The following PINX1 variants were observed in gnomAD, a reference collection of about 807,000 sequenced individuals.
PINX1 encodes the protein PIN2 (TERF1) interacting telomerase inhibitor 1.
Under a neutral mutation model 25.4 loss-of-function variants are expected in PINX1, and 34 were observed. The ratio of observed to expected loss-of-function variants is 1.34; its 90% CI spans 1.02 to 1.78. The LOEUF (loss-of-function observed/expected upper bound fraction) is 1.78. Among genes scored for constraint, PINX1 ranks in the 40% most tolerant of loss-of-function variants. The probability of loss-of-function intolerance (pLI) is 0.00; values close to 1 mark genes in which losing one functional copy is unlikely to be tolerated. For missense variants in PINX1, 592 were observed against 404.9 expected, an observed-to-expected ratio of 1.46 and a Z score of -3.97; for synonymous variants, 197 against 147.7, an observed-to-expected ratio of 1.33 and a Z score of -2.42.
rs1801017531 is a variant in PINX1 at position 10,765,760 on chromosome 8, T to G, written c.628A>C (p.Lys210Gln). The stretch of plus-strand genomic sequence containing the variant: ...TCTTTATTTCTTTTCTTCCCCCTTT[T>G]ACGTTCCACCTGCGTCTCAGAAATG... ...SDISETQVER[K>Q]RGKKRNKEAT... The change falls in exon 7 of 7, where the codon AAA becomes CAA. Residue 210 changes from lysine to glutamine, a missense_variant. By Grantham distance (53) the Lys-to-Gln change is moderately conservative. Transcript: ENST00000314787. 1 of 1,613,896 alleles carries G rather than the reference T, an allele frequency of 6.2e-7. No homozygotes were observed. The highest frequency in any genetic ancestry group is 1.7e-5 in the Admixed American group (1 of 60,014).
At chr8:10,794,857 G>A (rs1802038508) in intron 6 of PINX1, among the ~76,000 whole-genome samples, 1 of 152,138 alleles carries the variant, frequency 6.6e-6, no homozygotes, top group Admixed American at 6.5e-5. Context: ...TATAACAAGT[G>A]CTCTGAATTC....
chr8:10,795,831 T>C (rs557804495), intron 6 of PINX1, among the ~76,000 whole-genome samples: 71 of 151,882 alleles, frequency 4.7e-4, no homozygotes, highest in African/African-American at 1.7e-3. Context: ...TTATGACAGT[T>C]AGCAAAAAAC....
chr8:10,836,301 C>T (rs568616815), intron 1 of PINX1, among the ~76,000 whole-genome samples: 19 of 152,168 alleles, frequency 1.2e-4, no homozygotes, highest in African/African-American at 4.6e-4. Flanking sequence ...AAAAGGTGAC[C>T]CAAAAATGTT....
At position 10,820,180 on chromosome 8, in the gene PINX1, C is replaced by G. The variant is rs184780291; in HGVS notation, c.471+13G>C. On this transcript the variant is annotated intron_variant, in intron 6 of 6. Transcript: ENST00000314787. The stretch of plus-strand genomic sequence containing the variant: ...ATTAAAGCGGAACACGGAAACTGTA[C>G]GTGGCTTTATACCTCGGGAGTCTTC... 11 of 1,552,010 alleles carry G rather than the reference C, an allele frequency of 7.1e-6. No homozygotes were observed. Among genetic ancestry groups the G allele is most frequent in the Non-Finnish European group, 9.8e-6 (11 of 1,124,138 alleles).
chr8:10,836,186 A>G (rs1170839061), intron 1 of PINX1, among the ~76,000 whole-genome samples: 3 of 152,098 alleles, frequency 2.0e-5, no homozygotes. Flanking sequence ...AACTATGCAC[A>G]CTCCAGCAAA....
intron 6 of PINX1, among the ~76,000 whole-genome samples, chr8:10,792,266 G>A (rs1175457845): frequency 1.3e-5 from 2 of 151,848 alleles, no homozygotes; most frequent in South Asian, 2.1e-4. Flanking sequence ...CGCACCCACT[G>A]CTACTTCTGC....
At chr8:10,814,077 G>C (rs1346570884) in intron 6 of PINX1, among the ~76,000 whole-genome samples, 1 of 152,172 alleles carries the variant, frequency 6.6e-6, no homozygotes, top group Admixed American at 6.5e-5. Flanking sequence ...CAGGTCTCAA[G>C]GGGCCCTGGG....
chr8:10,767,563 A>T (rs1563198745), intron 6 of PINX1, among the ~76,000 whole-genome samples: 1 of 152,250 alleles, frequency 6.6e-6, no homozygotes, highest in Non-Finnish European at 1.5e-5. Context: ...AATAAAAAAA[A>T]TCTGCCTCAG....
chr8:10,797,276 T>C lies in PINX1; in HGVS notation c.471+22917A>G, dbSNP rs1302979849. Among the ~76,000 whole-genome samples the C allele has an allele frequency of 2.0e-5, 3 of 152,166 alleles. No homozygotes were observed. In the South Asian group the frequency reaches 6.2e-4, roughly 32 times the overall value. ...GTTTCAGGGACCTAGAAGGAAACAGTGTTTCAACCGCACTCTAAAAACCAA... is the reference window on the plus strand; with the variant it reads ...GTTTCAGGGACCTAGAAGGAAACAGCGTTTCAACCGCACTCTAAAAACCAA... On this transcript the variant is annotated intron_variant, in intron 6 of 6. Coordinates refer to ENST00000314787, the MANE Select transcript of PINX1 (RefSeq NM_017884.6).
At chr8:10,823,507 C>T (rs946951092) in intron 5 of PINX1, among the ~76,000 whole-genome samples, 2 of 151,660 alleles carry the variant, frequency 1.3e-5, no homozygotes, top group African/African-American at 4.9e-5. Flanking sequence ...TCTGCAGAGA[C>T]CTTTTGCATT....
chr8:10,766,681 T>C (rs1801059734), intron 6 of PINX1, among the ~76,000 whole-genome samples: 1 of 152,246 alleles, frequency 6.6e-6, no homozygotes. Flanking sequence ...TTTTTAAATG[T>C]GAGTTACTCA....
chr8:10,823,270 TAGC>T (rs1225378724), intron 5 of PINX1, among the ~76,000 whole-genome samples: 1 of 141,128 alleles, frequency 7.1e-6, no homozygotes, highest in East Asian at 2.0e-4. Flanking sequence ...CTTGTTTCAG[TAGC>T]ATATAAAATA....
intron 5 of PINX1, 74 bp downstream of exon 5, chr8:10,826,078 G>C: frequency 1.3e-6 from 1 of 769,868 alleles, no homozygotes. Flanking sequence ...TATTGGCCCA[G>C]AGCTAAAATG....
At chr8:10,784,772 A>T (rs1195422820) in intron 6 of PINX1, among the ~76,000 whole-genome samples, 1 of 152,262 alleles carries the variant, frequency 6.6e-6, no homozygotes, top group Non-Finnish European at 1.5e-5. Flanking sequence ...TAGGGGACAG[A>T]GGTGACTGAA....
chr8:10,814,833 G>A (rs1797650867), intron 6 of PINX1, among the ~76,000 whole-genome samples: 1 of 152,226 alleles, frequency 6.6e-6, no homozygotes, highest in Non-Finnish European at 1.5e-5. Flanking sequence ...CCAGTCACAT[G>A]CTGGGGACCC....
At chr8:10,773,871 C>T (rs1316843250) in intron 6 of PINX1, among the ~76,000 whole-genome samples, 3 of 152,122 alleles carry the variant, frequency 2.0e-5, no homozygotes, top group African/African-American at 4.8e-5. Context: ...CCCTCAGGCT[C>T]GGAAAGCTGC....
At chr8:10,806,346 C>T (rs1016962824) in intron 6 of PINX1, among the ~76,000 whole-genome samples, 18 of 152,182 alleles carry the variant, frequency 1.2e-4, no homozygotes, top group African/African-American at 3.4e-4. Context: ...CATGACACCA[C>T]GGCCGTACTT....
intron 6 of PINX1, among the ~76,000 whole-genome samples, chr8:10,775,379 G>A (rs966830021): frequency 6.7e-6 from 1 of 148,992 alleles, no homozygotes; most frequent in Non-Finnish European, 1.5e-5. Flanking sequence ...CAAACTATCA[G>A]GGGTAAAGGA....
At chr8:10,824,637 A>G (rs1797981166) in intron 5 of PINX1, among the ~76,000 whole-genome samples, 1 of 152,258 alleles carries the variant, frequency 6.6e-6, no homozygotes, top group Admixed American at 6.5e-5. Context: ...AGATTAAAGC[A>G]GATTACAGAG....
Sources: allele counts gnomAD v4.1 joint callset (sites outside exome capture counted in the v4.1 genomes callset), GRCh38; gene constraint gnomAD v4.1.1; transcripts MANE v1.5; gene names NCBI Gene and HGNC (gene_info 2026-07-23, HGNC 2026-07-21).